Variants in PARD3 observed in about 807,000 individuals in gnomAD.
PARD3 encodes partitioning defective 3 homolog.
In PARD3, 75 loss-of-function variants were observed where a neutral mutation model predicts 155.4. The observed-to-expected ratio is 0.48, with a 90% confidence interval of 0.40 to 0.58. The LOEUF is 0.58. PARD3 is among the 20% of genes least tolerant of loss of function. The probability of loss-of-function intolerance (pLI) is 0.00; values close to 1 mark genes in which losing one functional copy is unlikely to be tolerated. For synonymous variants in PARD3, 576 were observed against 610.5 expected, an observed-to-expected ratio of 0.94 and a Z score of 0.83; for missense variants, 1,642 against 1,721.7, an observed-to-expected ratio of 0.95 and a Z score of 0.82.
intron 2 of PARD3, among the ~76,000 whole-genome samples, chr10:34,673,532 T>G (rs1420247679): frequency 6.6e-6 from 1 of 152,154 alleles, no homozygotes; most frequent in East Asian, 1.9e-4. Context: ...AGTTCCAGAA[T>G]ATTTTCATAT....
intron 1 of PARD3, among the ~76,000 whole-genome samples, chr10:34,802,709 A>G (rs1842933793): frequency 6.6e-6 from 1 of 152,148 alleles, no homozygotes; most frequent in Non-Finnish European, 1.5e-5. Context: ...TAAGAGAGAC[A>G]GTTTTGCCAC....
chr10:34,167,548 G>A (rs909503556), intron 22 of PARD3, among the ~76,000 whole-genome samples: 11 of 151,318 alleles, frequency 7.3e-5, no homozygotes, highest in Admixed American at 3.3e-4. Flanking sequence ...CTCAAGTCCT[G>A]AAGTTACTTC....
chr10:34,300,267 C>T (rs149312514), intron 20 of PARD3, among the ~76,000 whole-genome samples: 3 of 152,186 alleles, frequency 2.0e-5, no homozygotes, highest in African/African-American at 7.2e-5. Flanking sequence ...TGGGAAAACA[C>T]AGTCTGGAAA....
intron 15 of PARD3, chr10:34,345,309 T>C (rs1837292762): frequency 9.1e-6 from 9 of 985,410 alleles, no homozygotes; most frequent in South Asian, 4.7e-5. Flanking sequence ...TGTGTTCACA[T>C]AGGAATGCAT....
Position 34,408,950 on chromosome 10 carries a change from T to C in PARD3, c.715-7033A>G, listed in dbSNP as rs1318284716. Among the ~76,000 whole-genome samples the C allele has an allele frequency of 2.6e-5, 4 of 152,236 alleles. No individual in the cohort carries two copies. The East Asian group carries it at 7.7e-4, about 29-fold the overall frequency. On this transcript the variant is annotated intron_variant, in intron 5 of 24. Transcript: ENST00000374788. Reference sequence around the variant, plus strand: ...GTTTTAGACAAAGTCCAGTTCCTTATAATATAAACTATGCTCTACTGAACA... The same window carrying C: ...GTTTTAGACAAAGTCCAGTTCCTTACAATATAAACTATGCTCTACTGAACA...
intron 1 of PARD3, among the ~76,000 whole-genome samples, chr10:34,712,483 C>T (rs184327155): frequency 1.5e-3 from 229 of 152,280 alleles, no homozygotes; most frequent in African/African-American, 4.7e-3. Flanking sequence ...GACAATCCTG[C>T]AAGATCAATG....
chr10:34,192,650 T>TAA (rs1950764162), intron 22 of PARD3, among the ~76,000 whole-genome samples: 1 of 151,718 alleles, frequency 6.6e-6, no homozygotes, highest in African/African-American at 2.4e-5. Flanking sequence ...CCCCAAAGAG[T>TAA]AAAGGTGACC....
rs1420830290 is a variant in PARD3, at chr10:34,311,748, CCT to C, written c.3065+5357_3065+5358del. Among the ~76,000 whole-genome samples the C allele has an allele frequency of 3.0e-3, 451 of 152,288 alleles. 2 individuals carry two copies. Among genetic ancestry groups the C allele is most frequent in the African/African-American group, 0.011 (438 of 41,550 alleles). On this transcript the variant is annotated intron_variant, in intron 20 of 24. Coordinates refer to ENST00000374788, the MANE Select transcript of PARD3 (RefSeq NM_001184785.2). ...ATTTATTTTCCTACACCACCACCCC[CCT>C]GCCAACCACCCATTTTTGGTCTAAA...
chr10:34,712,600 C>T (rs2094463721), intron 1 of PARD3, among the ~76,000 whole-genome samples: 1 of 152,210 alleles, frequency 6.6e-6, no homozygotes, highest in Non-Finnish European at 1.5e-5. Context: ...GGCTCAGACG[C>T]TAACCTGGAA....
chr10:34,298,196 C>A (rs1295641312), intron 20 of PARD3, among the ~76,000 whole-genome samples: 1 of 152,148 alleles, frequency 6.6e-6, no homozygotes, highest in Non-Finnish European at 1.5e-5. Flanking sequence ...TCCTTAATTT[C>A]TGGTTCACAG....
chr10:34,769,807 A>AAC (rs1554829404), intron 1 of PARD3, among the ~76,000 whole-genome samples: 1 of 150,684 alleles, frequency 6.6e-6, no homozygotes, highest in Non-Finnish European at 1.5e-5. Context: ...AACAAAACAA[A>AAC]AAAAAAAACA....
At chr10:34,766,827 C>T (rs975197503) in intron 1 of PARD3, among the ~76,000 whole-genome samples, 9 of 152,176 alleles carry the variant, frequency 5.9e-5, no homozygotes, top group Admixed American at 3.9e-4. Flanking sequence ...AAGATAACCA[C>T]AGTGACTTTC....
intron 22 of PARD3, among the ~76,000 whole-genome samples, chr10:34,225,588 A>C (rs2799461): frequency 0.4 from 60,268 of 152,046 alleles, 15,479 homozygotes; most frequent in African/African-American, 0.73. Context: ...TCAGGTGATC[A>C]ACCCACCTTG....
intron 2 of PARD3, among the ~76,000 whole-genome samples, chr10:34,685,016 T>C (rs2985301): frequency 0.61 from 92,366 of 151,886 alleles, 29,013 homozygotes; most frequent in Non-Finnish European, 0.67. Flanking sequence ...AATTATTCCA[T>C]ATGCTATCTT....
At position 34,666,777 on chromosome 10, in the gene PARD3, TAAAAA is replaced by T. The variant is rs771593408; in HGVS notation, c.222+29536_222+29540del. ...CTTCCACCTCACCTACCCCTCCCCC[TAAAAA>T]AAAAAAAAAAAAAAATATATATATA... On this transcript the variant is annotated intron_variant, in intron 2 of 24. Coordinates refer to ENST00000374788, the MANE Select transcript of PARD3 (RefSeq NM_001184785.2). Among the ~76,000 whole-genome samples the T allele has an allele frequency of 6.2e-3, 106 of 17,060 alleles. 7 individuals are homozygous for T. The highest frequency in any genetic ancestry group is 0.014 in the African/African-American group (98 of 7,050). The allele number at this position is 17,060 out of a possible 152,430, so 11.2% of individuals were successfully genotyped here.
At chr10:34,657,358 C>T (rs2093199792) in intron 2 of PARD3, among the ~76,000 whole-genome samples, 1 of 152,074 alleles carries the variant, frequency 6.6e-6, no homozygotes, top group Admixed American at 6.6e-5. Flanking sequence ...TTGTATTGGC[C>T]TGAAATTCAT....
In PARD3 at chr10:34,119,720, C is replaced by T. The variant is rs1946880137; in HGVS notation, c.3561G>A (p.Thr1187=). The part of the protein sequence containing the change: ...EQPWPNARPA[T]QSGRHSVSVE... The stretch of plus-strand genomic sequence containing the variant: ...CGGACACCGAGTGTCGCCCGCTCTG[C>T]GTCGCCGGCCGTGCGTTCGGCTGGA... The change falls in exon 24 of 25, where the codon ACG becomes ACA. Residue 1187 remains threonine, a synonymous_variant. Coordinates refer to ENST00000374788, the MANE Select transcript of PARD3 (RefSeq NM_001184785.2). 5 of 1,611,374 alleles carry T rather than the reference C, an allele frequency of 3.1e-6. No individual in the cohort carries two copies. The highest frequency in any genetic ancestry group is 2.7e-5 in the African/African-American group (2 of 74,910).
chr10:34,137,939 A>C (rs1466748255), intron 22 of PARD3, among the ~76,000 whole-genome samples: 1 of 152,170 alleles, frequency 6.6e-6, no homozygotes, highest in East Asian at 1.9e-4. Flanking sequence ...CCCCACACCA[A>C]TACTACCACC....
chr10:34,724,196 T>C (rs2094658659), intron 1 of PARD3, among the ~76,000 whole-genome samples: 2 of 152,192 alleles, frequency 1.3e-5, no homozygotes, highest in South Asian at 4.1e-4. Context: ...ATGCATCCCA[T>C]ATTGTTTAAT....
Sources: gnomAD v4.1 joint callset for allele counts (sites outside exome capture counted in the v4.1 genomes callset) on GRCh38, gnomAD v4.1.1 for gene constraint, MANE v1.5 for transcripts, NCBI Gene and HGNC (gene_info 2026-07-23, HGNC 2026-07-21) for gene names.